TENM1: variants seen among roughly 807,000 people sequenced by gnomAD.
TENM1 encodes teneurin transmembrane protein 1.
In TENM1, 35 loss-of-function variants were observed where a neutral mutation model predicts 174.8. That is an observed-to-expected ratio of 0.20 (90% confidence interval 0.15 to 0.27). The LOEUF is 0.27. TENM1 is among the 10% of genes least tolerant of loss of function. The pLI is 1.00. For synonymous variants in TENM1, 781 were observed against 798.7 expected (o/e 0.98, Z 0.37); for missense variants, 1,633 against 2,130.1 (o/e 0.77, Z 4.59).
chrX:125,190,851 T>A, the TENM1 span, among the ~76,000 whole-genome samples: 2 of 111,556 alleles, frequency 1.8e-5, no homozygotes, highest in African/African-American at 6.5e-5. Context: ...CCTTTTTCAA[T>A]CAGAAATAAT....
At chrX:124,423,147 C>T (rs970983890) in intron 23 of TENM1, among the ~76,000 whole-genome samples, 10 of 112,146 alleles carry the variant, frequency 8.9e-5, no homozygotes, top group African/African-American at 3.2e-4. Context: ...TTCTGGGTGA[C>T]AGAATGCCAG....
the TENM1 span, among the ~76,000 whole-genome samples, chrX:125,086,206 A>G: frequency 1.4e-4 from 15 of 110,843 alleles, no homozygotes; most frequent in Non-Finnish European, 2.7e-4. Flanking sequence ...ATTTTACCAC[A>G]CTAGTAATTA....
chrX:124,660,620 G>T, intron 6 of TENM1, among the ~76,000 whole-genome samples: 1 of 111,672 alleles, frequency 9.0e-6, no homozygotes, highest in Non-Finnish European at 1.9e-5. Flanking sequence ...AACAGTAAAT[G>T]AAGCTTAACA....
chrX:124,981,694 C>A, the TENM1 span, among the ~76,000 whole-genome samples: 1 of 111,158 alleles, frequency 9.0e-6, no homozygotes, highest in Non-Finnish European at 1.9e-5. Flanking sequence ...TTTGTGGGTA[C>A]AAACTCTCCA....
intron 11 of TENM1, among the ~76,000 whole-genome samples, chrX:124,576,246 G>C (rs748565379): frequency 2.3e-4 from 25 of 111,106 alleles, no homozygotes; most frequent in Non-Finnish European, 3.8e-4. Flanking sequence ...TTTTAGTAGA[G>C]ACGGGGTTTT....
At chrX:125,141,145 G>A in the TENM1 span, among the ~76,000 whole-genome samples, 2 of 111,932 alleles carry the variant, frequency 1.8e-5, no homozygotes, top group Admixed American at 9.5e-5. Context: ...ACGCAAAAGA[G>A]GATGTATTTA....
rs190373874 is a variant in TENM1 at position 124,961,578 on chromosome X, A to T, written c.217+1959T>A. On this transcript the variant is annotated intron_variant, in intron 1 of 31. Transcript: ENST00000422452. ...AGAATCACTTGAGCCTACGAGGCAG[A>T]GGTTGCAGTGAGCCAAGATCATGCC... Among the ~76,000 whole-genome samples the T allele has an allele frequency of 3.6e-5, 4 of 111,644 alleles. No individual in the cohort carries two copies. In the East Asian group the frequency reaches 8.5e-4, roughly 24 times the overall value.
intron 3 of TENM1, among the ~76,000 whole-genome samples, chrX:124,754,394 C>A (rs182047706): frequency 3.5e-4 from 39 of 111,562 alleles, no homozygotes; most frequent in African/African-American, 1.0e-3. Flanking sequence ...CTTTATTAGT[C>A]TTGCTAGCGG....
chrX:124,466,338 G>T (rs1265286554), intron 22 of TENM1, among the ~76,000 whole-genome samples: 1 of 111,893 alleles, frequency 8.9e-6, no homozygotes, highest in African/African-American at 3.3e-5. Flanking sequence ...TCTGATAAAG[G>T]AATGAAAACA....
chrX:124,774,064 G>A (rs969586971), intron 3 of TENM1, among the ~76,000 whole-genome samples: 4 of 111,823 alleles, frequency 3.6e-5, no homozygotes, highest in African/African-American at 1.3e-4. Context: ...TATAAGATTA[G>A]GTCCCTAAGA....
At chrX:124,546,015 T>C (rs2048420712) in intron 15 of TENM1, among the ~76,000 whole-genome samples, 1 of 112,342 alleles carries the variant, frequency 8.9e-6, no homozygotes, top group Admixed American at 9.4e-5. Context: ...GATGGAGTTG[T>C]AATTTTCTTA....
Position 124,646,840 on chromosome X carries a change from A to G in TENM1, c.1580-30T>C, listed in dbSNP as rs746570062. ...TAATACAGAGAAAAAGATAAAAAAAATGAACGCATCTCCAGGCTGTAGAGT... is the reference window on the plus strand; with the variant it reads ...TAATACAGAGAAAAAGATAAAAAAAGTGAACGCATCTCCAGGCTGTAGAGT... On this transcript the variant is annotated intron_variant, in intron 8 of 31. Transcript: ENST00000422452. 4 of 1,017,164 alleles carry G rather than the reference A, an allele frequency of 3.9e-6. No homozygotes were observed. In the South Asian group the frequency reaches 6.0e-5, roughly 15 times the overall value. The allele number at this position is 1,017,164 out of a possible 1,213,427, so 83.8% of individuals were successfully genotyped here.
rs1201377749 is a variant in TENM1, at chrX:124,757,669, T to C, written c.536-20472A>G. Among the ~76,000 whole-genome samples, 4 of 112,500 alleles carry C rather than the reference T, an allele frequency of 3.6e-5. No homozygotes were observed. In the Admixed American group the frequency reaches 3.8e-4, roughly 11 times the overall value. ...GTATAATAGTTCTAATGGTTGGCTG[T>C]ATTAAATAAATACATAGTGTAGCAC... is the stretch of plus-strand genomic sequence containing the variant. On this transcript the variant is annotated intron_variant, in intron 3 of 31. Coordinates refer to ENST00000422452, the Ensembl canonical transcript of TENM1.
intron 11 of TENM1, among the ~76,000 whole-genome samples, chrX:124,575,361 T>C (rs145204615): frequency 0.01 from 1,130 of 112,055 alleles, 10 homozygotes; most frequent in African/African-American, 0.034. Context: ...GTAGTTTTAA[T>C]ACTATCTTAA....
intron 20 of TENM1, among the ~76,000 whole-genome samples, chrX:124,495,027 C>G (rs1212988701): frequency 3.8e-5 from 4 of 104,633 alleles, no homozygotes; most frequent in Non-Finnish European, 7.8e-5. Flanking sequence ...GGTATATACC[C>G]AGTAATGGGA....
chrX:125,131,776 C>T, the TENM1 span, among the ~76,000 whole-genome samples: 1 of 112,034 alleles, frequency 8.9e-6, no homozygotes, highest in Non-Finnish European at 1.9e-5. Flanking sequence ...CTTTCTTGTA[C>T]ATCTAGACAT....
the TENM1 span, among the ~76,000 whole-genome samples, chrX:125,084,295 G>T: frequency 8.2e-5 from 9 of 110,272 alleles, no homozygotes; most frequent in African/African-American, 3.0e-4. Flanking sequence ...TATCTCCTGG[G>T]AACTGTGCTT....
chrX:124,976,377 T>A, the TENM1 span, among the ~76,000 whole-genome samples: 1 of 111,668 alleles, frequency 9.0e-6, no homozygotes, highest in Non-Finnish European at 1.9e-5. Flanking sequence ...CTCCAGAGCC[T>A]GTACTCTTAA....
intron 3 of TENM1, among the ~76,000 whole-genome samples, chrX:124,756,422 G>T (rs1470162712): frequency 1.9e-5 from 2 of 106,160 alleles, no homozygotes; most frequent in Non-Finnish European, 3.8e-5. Context: ...TAACTTCTTT[G>T]CCTTTGGTTT....
Sources: allele counts gnomAD v4.1 joint callset (sites outside exome capture counted in the v4.1 genomes callset), GRCh38; gene constraint gnomAD v4.1.1; transcripts MANE v1.5; gene names NCBI Gene and HGNC (gene_info 2026-07-23, HGNC 2026-07-21).